The following GRB14 variants were observed in gnomAD, a reference collection of about 807,000 sequenced individuals.
GRB14 encodes the protein growth factor receptor-bound protein 14.
In GRB14, 38 loss-of-function variants were observed where a neutral mutation model predicts 69.1. The observed-to-expected ratio is 0.55, with a 90% confidence interval of 0.42 to 0.72. The LOEUF (loss-of-function observed/expected upper bound fraction) is 0.72. GRB14 is among the 30% of genes least tolerant of loss of function. The probability of loss-of-function intolerance (pLI) is 0.00; values close to 1 mark genes in which losing one functional copy is unlikely to be tolerated. For synonymous variants in GRB14, 247 were observed against 241.3 expected, an observed-to-expected ratio of 1.02 and a Z score of -0.22; for missense variants, 666 against 666.1, an observed-to-expected ratio of 1.00 and a Z score of 0.00.
chr2:164,573,996 T>C, intron 2 of GRB14: 2 of 1,549,872 alleles, frequency 1.3e-6, no homozygotes, highest in Non-Finnish European at 1.8e-6. Context: ...ATGTTGGCCA[T>C]GAATATTGAG....
intron 2 of GRB14, among the ~76,000 whole-genome samples, chr2:164,561,228 GT>G (rs1688820759): frequency 6.6e-6 from 1 of 152,190 alleles, no homozygotes; most frequent in African/African-American, 2.4e-5. Flanking sequence ...GGAATCTGCT[GT>G]GATCAGATCT....
At chr2:164,560,274 C>T (rs575545233) in intron 2 of GRB14, among the ~76,000 whole-genome samples, 4 of 152,264 alleles carry the variant, frequency 2.6e-5, no homozygotes, top group Admixed American at 6.5e-5. Flanking sequence ...ACATATATCC[C>T]AAAGCACCTA....
chr2:164,610,688 T>C (rs1306513296), intron 2 of GRB14, among the ~76,000 whole-genome samples: 2 of 152,022 alleles, frequency 1.3e-5, no homozygotes, highest in Non-Finnish European at 2.9e-5. Context: ...TTTAACTATG[T>C]ATCTTCAATA....
intron 3 of GRB14, among the ~76,000 whole-genome samples, chr2:164,544,963 T>A (rs2105307588): frequency 6.6e-6 from 1 of 152,338 alleles, no homozygotes; most frequent in East Asian, 1.9e-4. Context: ...TCTGCCAAAA[T>A]CATTTTTAAT....
intron 2 of GRB14, among the ~76,000 whole-genome samples, chr2:164,615,366 C>T (rs535865156): frequency 1.3e-5 from 2 of 152,006 alleles, no homozygotes; most frequent in Non-Finnish European, 2.9e-5. Context: ...AGTTACATTT[C>T]GGGAAGAAAT....
chr2:164,516,148 G>A (rs764405011), intron 6 of GRB14, among the ~76,000 whole-genome samples: 5 of 152,036 alleles, frequency 3.3e-5, no homozygotes, highest in African/African-American at 9.7e-5. Context: ...ATATTTGAGG[G>A]AATCATCAAA....
chr2:164,578,542 A>ACACACG (rs1689311871), intron 2 of GRB14, among the ~76,000 whole-genome samples: 1 of 151,936 alleles, frequency 6.6e-6, no homozygotes. Flanking sequence ...ACACACACAC[A>ACACACG]CACACACACA....
intron 2 of GRB14, among the ~76,000 whole-genome samples, chr2:164,561,211 G>A (rs921541495): frequency 6.6e-6 from 1 of 152,038 alleles, no homozygotes; most frequent in African/African-American, 2.4e-5. Context: ...AGTGGACAGG[G>A]GATCCTGGAA....
intron 3 of GRB14, among the ~76,000 whole-genome samples, chr2:164,537,673 C>T (rs1200251135): frequency 1.3e-5 from 2 of 151,988 alleles, no homozygotes; most frequent in South Asian, 2.1e-4. Flanking sequence ...TTCATGTAGC[C>T]GAGGCTATAA....
chr2:164,504,040 CA>C (rs1158848266), intron 8 of GRB14, among the ~76,000 whole-genome samples: 2 of 152,076 alleles, frequency 1.3e-5, no homozygotes, highest in African/African-American at 4.8e-5. Flanking sequence ...GGAAAAGAGA[CA>C]ACATGTAACT....
chr2:164,600,098 G>A (rs1391087920), intron 2 of GRB14, among the ~76,000 whole-genome samples: 2 of 152,128 alleles, frequency 1.3e-5, no homozygotes, highest in Non-Finnish European at 2.9e-5. Context: ...TCAGGTCACA[G>A]GTTCCTTGTG....
chr2:164,494,811 C>CAA (rs1686850280), intron 12 of GRB14, among the ~76,000 whole-genome samples: 1 of 152,198 alleles, frequency 6.6e-6, no homozygotes, highest in African/African-American at 2.4e-5. Context: ...TCTGCATCAA[C>CAA]AATTGGTGCT....
intron 3 of GRB14, among the ~76,000 whole-genome samples, chr2:164,543,799 T>C (rs1253219533): frequency 6.6e-6 from 1 of 152,198 alleles, no homozygotes; most frequent in Non-Finnish European, 1.5e-5. Context: ...TGAATAGATA[T>C]TGCAAGATTA....
At chr2:164,600,550 C>T (rs1420663469) in intron 2 of GRB14, among the ~76,000 whole-genome samples, 1 of 152,052 alleles carries the variant, frequency 6.6e-6, no homozygotes, top group African/African-American at 2.4e-5. Context: ...ATAAGAATCT[C>T]CCGGCAGGTA....
At chr2:164,576,458 T>C (rs1689253563) in intron 2 of GRB14, among the ~76,000 whole-genome samples, 1 of 151,602 alleles carries the variant, frequency 6.6e-6, no homozygotes, top group African/African-American at 2.4e-5. Flanking sequence ...CCCCAGTAAA[T>C]TCCAGAATAC....
At chr2:164,597,974 T>A (rs1318794817) in intron 2 of GRB14, among the ~76,000 whole-genome samples, 2 of 151,904 alleles carry the variant, frequency 1.3e-5, no homozygotes, top group Non-Finnish European at 2.9e-5. Context: ...TGACTTGAAC[T>A]AAGAAATTTA....
At chr2:164,569,290 A>G (rs1689068037) in intron 2 of GRB14, among the ~76,000 whole-genome samples, 1 of 152,230 alleles carries the variant, frequency 6.6e-6, no homozygotes, top group Non-Finnish European at 1.5e-5. Flanking sequence ...GAGGAGGTTT[A>G]CAATGGAAAA....
intron 1 of GRB14, among the ~76,000 whole-genome samples, chr2:164,620,337 T>A (rs747865288): frequency 4.6e-5 from 7 of 152,160 alleles, no homozygotes; most frequent in Admixed American, 6.5e-5. Flanking sequence ...TCATCTCACT[T>A]CAAATTTCAT....
At chr2:164,574,100 T>C in intron 2 of GRB14, 1 of 757,434 alleles carries the variant, frequency 1.3e-6, no homozygotes, top group Non-Finnish European at 2.2e-6. Flanking sequence ...CAGCTCATCA[T>C]ACTCTACTAT....
Sources: gnomAD v4.1 joint callset for allele counts (sites outside exome capture counted in the v4.1 genomes callset) on GRCh38, gnomAD v4.1.1 for gene constraint, MANE v1.5 for transcripts, NCBI Gene and HGNC (gene_info 2026-07-23, HGNC 2026-07-21) for gene names.